The following ADGRB1 variants were observed in gnomAD, a reference collection of about 807,000 sequenced individuals.
The protein encoded by ADGRB1 is brain-specific angiogenesis inhibitor 1.
A neutral mutation model predicts 175.7 loss-of-function variants in ADGRB1; 36 were observed. The observed-to-expected ratio is 0.20, with a 90% CI of 0.16 to 0.27. ADGRB1 has a LOEUF of 0.27. Among genes scored for constraint, ADGRB1 ranks in the 10% least tolerant of loss-of-function variants. The pLI is 1.00. For synonymous variants in ADGRB1, 1,054 were observed against 979.4 expected (o/e 1.08, Z -1.42); for missense variants, 1,731 against 2,255.3 (o/e 0.77, Z 4.71).
At chr8:142,516,966 G>A (rs1409393820) in intron 18 of ADGRB1, among the ~76,000 whole-genome samples, 2 of 152,220 alleles carry the variant, frequency 1.3e-5, no homozygotes, top group African/African-American at 4.8e-5. Context: ...GGCATGCTGG[G>A]GCTGTGCAGG....
intron 1 of ADGRB1, among the ~76,000 whole-genome samples, chr8:142,459,079 G>C (rs1046540278): frequency 6.6e-6 from 1 of 152,228 alleles, no homozygotes; most frequent in Non-Finnish European, 1.5e-5. Context: ...ACCTGTTGCC[G>C]GGATGCCCGG....
chr8:142,492,913 TC>T lies in ADGRB1; in HGVS notation c.2675+2100del, dbSNP rs764881089. ...GCCCCTCCCCACAGTGCAGAAACCC[TC>T]CATCCGGGCTGTTCGCCGGCCGCGG... On this transcript the variant is annotated intron_variant, in intron 17 of 30. Transcript: ENST00000517894. This position sits in a 1 kb window ranked among gnomAD's most constrained non-coding sequence, Gnocchi z 4.4. Among the ~76,000 whole-genome samples, 2 of 151,290 alleles carry T rather than the reference TC, an allele frequency of 1.3e-5. No individual in the cohort carries two copies. Among genetic ancestry groups the T allele is most frequent in the Non-Finnish European group, 2.9e-5 (2 of 67,830 alleles).
intron 1 of ADGRB1, among the ~76,000 whole-genome samples, chr8:142,451,181 C>T (rs1035724543): frequency 6.6e-6 from 1 of 152,106 alleles, no homozygotes; most frequent in Non-Finnish European, 1.5e-5. Context: ...AGAATCACCG[C>T]GAAGCGATGC....
rs1352709833 is a variant in ADGRB1 at position 142,524,223 on chromosome 8, C to T, written c.3246-15C>T. The T allele has an allele frequency of 6.3e-7, 1 of 1,596,592 alleles. No individual in the cohort carries two copies. Among genetic ancestry groups the T allele is most frequent in the Non-Finnish European group, 8.5e-7 (1 of 1,178,018 alleles). ...TCTGCACACGGGCGGTGCTGATGGCCTGTCTCCTCCCCAGCTGCTGGCTCT... is the reference window on the plus strand; with the variant it reads ...TCTGCACACGGGCGGTGCTGATGGCTTGTCTCCTCCCCAGCTGCTGGCTCT... On this transcript the variant is annotated splice_polypyrimidine_tract_variant and intron_variant, in intron 22 of 30. Coordinates refer to ENST00000517894, the MANE Select transcript of ADGRB1 (RefSeq NM_001702.3).
chr8:142,466,054 G>A (rs1427186092), intron 2 of ADGRB1, among the ~76,000 whole-genome samples: 2 of 152,350 alleles, frequency 1.3e-5, no homozygotes, highest in Non-Finnish European at 1.5e-5. Flanking sequence ...CCTTGCTGAC[G>A]GGTGACGTGC....
intron 1 of ADGRB1, among the ~76,000 whole-genome samples, chr8:142,450,639 G>A (rs1839291063): frequency 6.6e-6 from 1 of 151,826 alleles, no homozygotes; most frequent in Admixed American, 6.6e-5. Context: ...GGCCCGAGAC[G>A]TCCTCCCCCC....
chr8:142,464,561 C>T lies in ADGRB1; in HGVS notation c.363C>T (p.Asp121=), dbSNP rs1226860585. The T allele has an allele frequency of 1.3e-6, 2 of 1,546,860 alleles. No homozygotes were observed. The highest frequency in any genetic ancestry group is 1.7e-6 in the Non-Finnish European group (2 of 1,148,916). Residue 121 remains aspartate (D), a synonymous_variant, in exon 2 of 31, where the codon GAC becomes GAT. Transcript: ENST00000517894. The part of the protein sequence containing the change: ...TRTYLGVESF[D]EVLRLCDPSA... ...CCTACCTGGGCGTGGAGAGCTTCGA[C>T]GAGGTGCTGCGGCTCTGCGACCCCT... is the stretch of plus-strand genomic sequence containing the variant.
At position 142,510,840 on chromosome 8, in the gene ADGRB1, G is replaced by T. The variant is rs1388841295; in HGVS notation, c.2676-92G>T. 4.6e-6 allele frequency: 3 copies of T among 653,942 alleles called. No individual in the cohort carries two copies. Among genetic ancestry groups the T allele is most frequent in the Non-Finnish European group, 5.7e-6 (3 of 529,838 alleles). 40.5% of individuals were successfully genotyped at this position (653,942 alleles called of 1,614,324 possible). A position where few individuals can be genotyped will look rare whatever the true frequency, so the allele number is the denominator to read the frequency against. Reference sequence around the variant, plus strand: ...GCGGCGGGCCGGGGCCGGGGCCGGGGCGCGGAGCCGCCGCTCGGGGGCCGG... The same window carrying T: ...GCGGCGGGCCGGGGCCGGGGCCGGGTCGCGGAGCCGCCGCTCGGGGGCCGG... On this transcript the variant is annotated intron_variant, in intron 17 of 30. Transcript: ENST00000517894. The surrounding 1 kb of genome is among the most constrained non-coding windows in gnomAD (Gnocchi z 6.3).
At position 142,543,371 on chromosome 8, in the gene ADGRB1, G is replaced by A. The variant is rs776582689; in HGVS notation, c.4414-32G>A. The stretch of plus-strand genomic sequence containing the variant: ...AGGCGTGGACTTGTCAGGGACCCTT[G>A]GCGAATGTTCGCAAACCCCTTCTCC... On this transcript the variant is annotated intron_variant, in intron 28 of 30. Transcript: ENST00000517894. This position sits in a 1 kb window ranked among gnomAD's most constrained non-coding sequence, Gnocchi z 4.4. The A allele has an allele frequency of 1.2e-6, 2 of 1,613,182 alleles. No homozygotes were observed. Among genetic ancestry groups the A allele is most frequent in the Non-Finnish European group, 8.5e-7 (1 of 1,179,544 alleles).
rs912900958 is a variant in ADGRB1 at position 142,504,591 on chromosome 8, AG to A, written c.2676-6335del. On this transcript the variant is annotated intron_variant, in intron 17 of 30. Coordinates refer to ENST00000517894, the MANE Select transcript of ADGRB1 (RefSeq NM_001702.3). The surrounding 1 kb of genome is among the most constrained non-coding windows in gnomAD (Gnocchi z 5.6). ...AATGCCCAGGAGCTCATGGAAGGGC[AG>A]GGGGGAAGTCTGGTTATCCAGGTAG... 1.7e-4 allele frequency among the ~76,000 whole-genome samples: 26 copies of A among 152,208 alleles called. No homozygotes were observed. The highest frequency in any genetic ancestry group is 5.8e-4 in the African/African-American group (24 of 41,532).
rs191069571 is a variant in ADGRB1, at chr8:142,498,716, C to G, written c.2675+7901C>G. Among the ~76,000 whole-genome samples, 152 of 152,248 alleles carry G rather than the reference C, an allele frequency of 1.0e-3. 2 individuals are homozygous for G. The highest frequency in any genetic ancestry group is 9.1e-3 in the Admixed American group (139 of 15,296). On this transcript the variant is annotated intron_variant, in intron 17 of 30. Coordinates refer to ENST00000517894, the MANE Select transcript of ADGRB1 (RefSeq NM_001702.3). ...CAAGGGCCCAGGGCCGCTGCACCTC[C>G]CCTGCCTACCACTCCCCGCACACCT...
chr8:142,483,085 C>T (rs1360471721), intron 11 of ADGRB1, among the ~76,000 whole-genome samples: 2 of 150,694 alleles, frequency 1.3e-5, no homozygotes, highest in African/African-American at 2.5e-5. Context: ...ACACTGGTCA[C>T]CCACTGAACC....
rs533031553 is a variant in ADGRB1 at position 142,479,319 on chromosome 8, G to A, written c.1562-4G>A. ...TGTGCCCTGTGTCTGGCCACGCCCCGCAGTGGATGGCAAGTGGCAGGCCTG... is the reference window on the plus strand; with the variant it reads ...TGTGCCCTGTGTCTGGCCACGCCCCACAGTGGATGGCAAGTGGCAGGCCTG... On this transcript the variant is annotated splice_region_variant and splice_polypyrimidine_tract_variant and intron_variant, in intron 7 of 30. Transcript: ENST00000517894. 98 of 1,498,686 alleles carry A rather than the reference G, an allele frequency of 6.5e-5. No individual in the cohort carries two copies. In the South Asian group the frequency reaches 7.2e-4, roughly 11 times the overall value. 92.8% of individuals were successfully genotyped at this position (1,498,686 alleles called of 1,614,324 possible).
In ADGRB1 at chr8:142,544,663, C is replaced by T. The variant is rs570862043; in HGVS notation, c.*246C>T. On this transcript the variant is annotated 3_prime_UTR_variant, in exon 31 of 31. Transcript: ENST00000517894. ...CCGAAGGTGCCTCAGACTCCGCCCT[C>T]CTCGGGCCGAGGCCCAGCGGGCAGA... The T allele has an allele frequency of 2.6e-6, 1 of 391,114 alleles. No homozygotes were observed. Among genetic ancestry groups the T allele is most frequent in the African/African-American group, 2.1e-5 (1 of 47,232 alleles). 24.2% of individuals were successfully genotyped at this position (391,114 alleles called of 1,614,324 possible). A position where few individuals can be genotyped will look rare whatever the true frequency, so the allele number is the denominator to read the frequency against.
rs188543516 is a variant in ADGRB1, at chr8:142,466,278, A to G, written c.784+1296A>G. 5.3e-3 allele frequency among the ~76,000 whole-genome samples: 805 copies of G among 152,296 alleles called. 7 individuals carry two copies. Among genetic ancestry groups the G allele is most frequent in the African/African-American group, 0.018 (766 of 41,552 alleles). On this transcript the variant is annotated intron_variant, in intron 2 of 30. Transcript: ENST00000517894. ...GCCTTGACTTTTCTGGGGCCAGTGA[A>G]GCCTATGGACTCCTCAGAATTTTGT... is the stretch of plus-strand genomic sequence containing the variant.
At position 142,473,597 on chromosome 8, in the gene ADGRB1, C is replaced by G. The variant is rs151040992; in HGVS notation, c.785-1877C>G. Reference sequence around the variant, plus strand: ...TGCCCTGGAGGCCGTGCTGAGTCCCCCACCTCTCCTGGCATGGCACGGGCT... The same window carrying G: ...TGCCCTGGAGGCCGTGCTGAGTCCCGCACCTCTCCTGGCATGGCACGGGCT... On this transcript the variant is annotated intron_variant, in intron 2 of 30. Coordinates refer to ENST00000517894, the MANE Select transcript of ADGRB1 (RefSeq NM_001702.3). 6.7e-3 allele frequency among the ~76,000 whole-genome samples: 1,024 copies of G among 152,360 alleles called. 14 individuals carry two copies. Among genetic ancestry groups the G allele is most frequent in the African/African-American group, 0.023 (962 of 41,582 alleles).
chr8:142,544,373 C>T lies in ADGRB1; in HGVS notation c.4711C>T (p.Pro1571Ser), dbSNP rs967781385. 1 of 1,531,422 alleles carries T rather than the reference C, an allele frequency of 6.5e-7. No individual in the cohort carries two copies. Among genetic ancestry groups the T allele is most frequent in the African/African-American group, 1.4e-5 (1 of 72,400 alleles). The allele number at this position is 1,531,422 out of a possible 1,614,324, so 94.9% of individuals were successfully genotyped here. The change falls in exon 31 of 31, where the codon CCG becomes TCG. Residue 1571 changes from proline to serine, a missense_variant. This residue lies in a region of ADGRB1 where 7 missense variants were observed against 21.0 expected (regional missense o/e 0.33). Transcript: ENST00000517894. Reference sequence around the variant, plus strand: ...GTGGGAGAGGTCGGGCGCCACGATCCCGCTGGTGGGCCAGGACATCATCGA... The same window carrying T: ...GTGGGAGAGGTCGGGCGCCACGATCTCGCTGGTGGGCCAGGACATCATCGA... ...VEWERSGATIPLVGQDIIDLQ... is the reference protein window; with the variant it reads ...VEWERSGATISLVGQDIIDLQ...
chr8:142,542,110 C>A lies in ADGRB1; in HGVS notation c.3876C>A (p.Pro1292=), dbSNP rs771958900. The part of the protein sequence containing the change: ...NVSKLHLHGS[P]RYPGGPLPDF... Reference sequence around the variant, plus strand: ...CCAAGCTGCACCTGCACGGCTCACCCCGCTATCCCGGCGGGCCCCTGCCCG... The same window carrying A: ...CCAAGCTGCACCTGCACGGCTCACCACGCTATCCCGGCGGGCCCCTGCCCG... The change falls in exon 28 of 31, where the codon CCC becomes CCA. Residue 1292 remains proline, a synonymous_variant. Transcript: ENST00000517894. This position sits in a 1 kb window ranked among gnomAD's most constrained non-coding sequence, Gnocchi z 6.3. 1.2e-6 allele frequency: 2 copies of A among 1,613,512 alleles called. No individual in the cohort carries two copies. Among genetic ancestry groups the A allele is most frequent in the South Asian group, 1.1e-5 (1 of 91,082 alleles).
In ADGRB1 at chr8:142,542,463, A is replaced by AGCCCCCACCGCCTCC. The variant is rs1317922078; in HGVS notation, c.4242_4256dup (p.Pro1418_Pro1422dup). 1 of 745,286 alleles carries AGCCCCCACCGCCTCC rather than the reference A, an allele frequency of 1.3e-6. No homozygotes were observed. Among genetic ancestry groups the AGCCCCCACCGCCTCC allele is most frequent in the Non-Finnish European group, 1.7e-6 (1 of 602,270 alleles). The allele number at this position is 745,286 out of a possible 1,614,324, so 46.2% of individuals were successfully genotyped here. ...GGGCCCCCCGAGGCACCCCCTGCCC[A>AGCCCCCACCGCCTCC]GCCCCCACCGCCTCCGCCCCCACCG... On this transcript the variant is annotated inframe_insertion, in exon 28 of 31. Coordinates refer to ENST00000517894, the MANE Select transcript of ADGRB1 (RefSeq NM_001702.3). This position sits in a 1 kb window ranked among gnomAD's most constrained non-coding sequence, Gnocchi z 6.3.
Sources: gnomAD v4.1 joint callset for allele counts (sites outside exome capture counted in the v4.1 genomes callset) on GRCh38, gnomAD v4.1.1 for gene constraint, gnomAD v4.1.1 regional missense constraint, Gnocchi (gnomAD v3.1) non-coding constraint, MANE v1.5 for transcripts, NCBI Gene and HGNC (gene_info 2026-07-23, HGNC 2026-07-21) for gene names.